The following CDH11 variants were observed in gnomAD, a reference collection of about 807,000 sequenced individuals.
CDH11 encodes the protein cadherin 11, also known as cadherin-11.
CDH11 carries 11 observed loss-of-function variants against 67.8 expected under a neutral mutation model. The ratio of observed to expected loss-of-function variants is 0.16; its 90% CI spans 0.10 to 0.27. The LOEUF (loss-of-function observed/expected upper bound fraction) is 0.27. CDH11 is among the 10% of genes least tolerant of loss of function. The pLI, the probability that CDH11 is intolerant of heterozygous loss-of-function variation, is 1.00. For missense variants in CDH11, 847 were observed against 1,031.2 expected, an observed-to-expected ratio of 0.82 and a Z score of 2.45; for synonymous variants, 419 against 400.0, an observed-to-expected ratio of 1.05 and a Z score of -0.57.
intron 2 of CDH11, among the ~76,000 whole-genome samples, chr16:65,033,990 G>A (rs2073701208): frequency 6.6e-6 from 1 of 152,104 alleles, no homozygotes; most frequent in Non-Finnish European, 1.5e-5. Flanking sequence ...ATGTGTTTAT[G>A]GGCAGTATTA....
chr16:64,967,741 G>T (rs2071881457), intron 11 of CDH11, among the ~76,000 whole-genome samples: 1 of 151,816 alleles, frequency 6.6e-6, no homozygotes, highest in Admixed American at 6.6e-5. Context: ...ACAAATAGCA[G>T]TGACTATTTC....
intron 11 of CDH11, among the ~76,000 whole-genome samples, chr16:64,963,476 A>G (rs998414930): frequency 1.3e-5 from 2 of 152,282 alleles, no homozygotes; most frequent in South Asian, 4.2e-4. Flanking sequence ...AAAAGGTGTA[A>G]TATATATGTG....
At chr16:64,959,876 A>G (rs1316862735) in intron 11 of CDH11, among the ~76,000 whole-genome samples, 1 of 152,202 alleles carries the variant, frequency 6.6e-6, no homozygotes, top group African/African-American at 2.4e-5. Flanking sequence ...AAAGGCATTT[A>G]TTTGCCAATT....
chr16:65,070,704 T>C (rs1241652471), intron 1 of CDH11, among the ~76,000 whole-genome samples: 1 of 152,178 alleles, frequency 6.6e-6, no homozygotes, highest in African/African-American at 2.4e-5. Context: ...TATAGGTCAG[T>C]CACACAGAAG....
intron 11 of CDH11, among the ~76,000 whole-genome samples, chr16:64,971,254 G>C (rs902445010): frequency 2.0e-5 from 3 of 151,994 alleles, no homozygotes; most frequent in African/African-American, 7.3e-5. Context: ...TATTCATAAA[G>C]CTATCCTTCC....
intron 2 of CDH11, among the ~76,000 whole-genome samples, chr16:65,031,827 A>G (rs1395346929): frequency 6.6e-6 from 1 of 152,178 alleles, no homozygotes; most frequent in Non-Finnish European, 1.5e-5. Flanking sequence ...AAAGATGGAA[A>G]ATCAGCTGGG....
chr16:65,004,666 C>G lies in CDH11; in HGVS notation c.204G>C (p.Gly68=). 6.2e-7 allele frequency: 1 copy of G among 1,613,348 alleles called. No homozygotes were observed. Among genetic ancestry groups the G allele is most frequent in the Admixed American group, 1.7e-5 (1 of 59,998 alleles). The change falls in exon 3 of 13, where the codon GGG becomes GGC. Residue 68 remains glycine (G), a synonymous_variant. Transcript: ENST00000268603. ...CCCTGCCCACAAGCACGGGGTCAGG[C>G]CCGGTGTACTCCTCTATCACGAAGA... ...NQFFVIEEYT[G]PDPVLVGRLH...
chr16:65,086,352 G>T (rs181658385), intron 1 of CDH11, among the ~76,000 whole-genome samples: 22 of 152,242 alleles, frequency 1.4e-4, no homozygotes, highest in Non-Finnish European at 3.1e-4. Context: ...CCACCTCAAG[G>T]GTTCCTGATT....
chr16:65,012,574 G>C (rs1285061171), intron 2 of CDH11, among the ~76,000 whole-genome samples: 1 of 152,188 alleles, frequency 6.6e-6, no homozygotes, highest in African/African-American at 2.4e-5. Flanking sequence ...TGTGACCTCT[G>C]TCTCTGAGTC....
chr16:65,049,528 T>C (rs756993240), intron 2 of CDH11, among the ~76,000 whole-genome samples: 3 of 152,142 alleles, frequency 2.0e-5, no homozygotes, highest in Non-Finnish European at 4.4e-5. Context: ...AAAGCACATA[T>C]CACAGTACCT....
At chr16:65,046,644 G>T (rs192108242) in intron 2 of CDH11, among the ~76,000 whole-genome samples, 42 of 152,260 alleles carry the variant, frequency 2.8e-4, no homozygotes, top group Admixed American at 2.4e-3. Context: ...CATAGAACAT[G>T]GCAAAATGAT....
Position 65,027,317 on chromosome 16 carries a change from G to C in CDH11, c.-172-22276C>G, listed in dbSNP as rs556835839. 3.8e-4 allele frequency among the ~76,000 whole-genome samples: 58 copies of C among 152,330 alleles called. 2 individuals carry two copies. In the South Asian group the frequency reaches 0.011, roughly 29 times the overall value. On this transcript the variant is annotated intron_variant, in intron 2 of 12. Transcript: ENST00000268603. ...GCACCATTGTAACAAAGCCCAGCTGGATGTCTCCCCAGGCCCAAATAACAT... is the reference window on the plus strand; with the variant it reads ...GCACCATTGTAACAAAGCCCAGCTGCATGTCTCCCCAGGCCCAAATAACAT...
chr16:65,033,637 T>A (rs1412569233), intron 2 of CDH11, among the ~76,000 whole-genome samples: 1 of 151,476 alleles, frequency 6.6e-6, no homozygotes, highest in Non-Finnish European at 1.5e-5. Flanking sequence ...CTCGGGAGGC[T>A]GAGGCAGGAG....
At chr16:65,058,065 A>T (rs982737923) in intron 1 of CDH11, among the ~76,000 whole-genome samples, 1 of 151,556 alleles carries the variant, frequency 6.6e-6, no homozygotes, top group African/African-American at 2.4e-5. Flanking sequence ...CGAAACGTGT[A>T]AAAAAAAATT....
Position 64,947,152 on chromosome 16 carries a change from T to C in CDH11, c.*451A>G. On this transcript the variant is annotated 3_prime_UTR_variant, in exon 13 of 13. Transcript: ENST00000268603. The stretch of plus-strand genomic sequence containing the variant: ...GTTTAAGCTGGCTGAATATTATATA[T>C]TTCAAGTTTAAAAATGCACTACATA... 2 of 1,047,072 alleles carry C rather than the reference T, an allele frequency of 1.9e-6. No homozygotes were observed. Among genetic ancestry groups the C allele is most frequent in the Non-Finnish European group, 2.3e-6 (2 of 865,868 alleles). The allele number at this position is 1,047,072 out of a possible 1,614,324, so 64.9% of individuals were successfully genotyped here.
At chr16:64,969,800 C>T (rs1237450680) in intron 11 of CDH11, among the ~76,000 whole-genome samples, 1 of 151,900 alleles carries the variant, frequency 6.6e-6, no homozygotes, top group African/African-American at 2.4e-5. Flanking sequence ...TAAATGTTCA[C>T]TATGTGCCTG....
chr16:64,969,108 T>C (rs1302019747), intron 11 of CDH11, among the ~76,000 whole-genome samples: 2 of 152,176 alleles, frequency 1.3e-5, no homozygotes, highest in Non-Finnish European at 2.9e-5. Flanking sequence ...GTTCAGTAAA[T>C]TGGCTCATCT....
chr16:65,107,745 T>C (rs113817179), intron 1 of CDH11, among the ~76,000 whole-genome samples: 8 of 152,328 alleles, frequency 5.3e-5, no homozygotes, highest in African/African-American at 1.7e-4. Context: ...CTTGTCTCCA[T>C]GATTCCTTCT....
At chr16:64,974,714 A>T (rs2072114867) in intron 8 of CDH11, among the ~76,000 whole-genome samples, 1 of 152,228 alleles carries the variant, frequency 6.6e-6, no homozygotes. Flanking sequence ...CCCTCAGCAG[A>T]TAACACTATG....
Sources: gnomAD v4.1 joint callset for allele counts (sites outside exome capture counted in the v4.1 genomes callset) on GRCh38, gnomAD v4.1.1 for gene constraint, MANE v1.5 for transcripts, NCBI Gene and HGNC (gene_info 2026-07-23, HGNC 2026-07-21) for gene names.